NALCN: variants seen among roughly 807,000 people sequenced by gnomAD.
NALCN encodes sodium leak channel, non-selective.
In NALCN, 111 loss-of-function variants were observed where a neutral mutation model predicts 225.3. The observed-to-expected ratio is 0.49, with a 90% CI of 0.42 to 0.58. The LOEUF (loss-of-function observed/expected upper bound fraction) is 0.58. Among genes scored for constraint, NALCN ranks in the 20% least tolerant of loss-of-function variants. NALCN has a pLI of 0.00. For synonymous variants in NALCN, 764 were observed against 769.0 expected (o/e 0.99, Z 0.11); for missense variants, 1,378 against 2,202.4 (o/e 0.63, Z 7.49).
chr13:101,082,693 C>A, intron 33 of NALCN, 116 bp downstream of exon 33: 2 of 1,058,468 alleles, frequency 1.9e-6, no homozygotes, highest in South Asian at 2.7e-5. Context: ...ATCCTAAGGG[C>A]AAACTTCAAA....
intron 7 of NALCN, among the ~76,000 whole-genome samples, 197 bp downstream of exon 7, chr13:101,345,069 A>G (rs559642004): frequency 2.2e-4 from 34 of 152,326 alleles, no homozygotes; most frequent in African/African-American, 8.2e-4. Flanking sequence ...ACTGCTGCCC[A>G]TATACATACA....
At chr13:101,257,449 G>A (rs1201843110) in intron 11 of NALCN, among the ~76,000 whole-genome samples, 1 of 152,092 alleles carries the variant, frequency 6.6e-6, no homozygotes, top group Non-Finnish European at 1.5e-5. Context: ...AAAAGCTTGT[G>A]CGTGGGTAGA....
chr13:101,409,395 G>C (rs1045455555), intron 1 of NALCN, among the ~76,000 whole-genome samples: 3 of 152,024 alleles, frequency 2.0e-5, no homozygotes, highest in African/African-American at 7.3e-5. Flanking sequence ...CAGATCTCTC[G>C]AGCTCACTCA....
At chr13:101,189,081 C>T (rs2039573051) in intron 14 of NALCN, among the ~76,000 whole-genome samples, 1 of 152,142 alleles carries the variant, frequency 6.6e-6, no homozygotes, top group African/African-American at 2.4e-5. Context: ...CTTTTAAAAA[C>T]TCTGAAGTAG....
chr13:101,252,861 C>CTGTT (rs1352716184), intron 11 of NALCN, among the ~76,000 whole-genome samples: 1 of 151,604 alleles, frequency 6.6e-6, no homozygotes, highest in Non-Finnish European at 1.5e-5. Context: ...TCTCTCCCAT[C>CTGTT]TGTTTGTGAG....
intron 40 of NALCN, among the ~76,000 whole-genome samples, chr13:101,064,324 C>A (rs1315832111): frequency 6.6e-6 from 1 of 152,096 alleles, no homozygotes; most frequent in African/African-American, 2.4e-5. Flanking sequence ...AGTCCATGGG[C>A]CTCTGTTTTA....
At position 101,055,348 on chromosome 13, in the gene NALCN, G is replaced by A. The variant is rs1013463370; in HGVS notation, c.5164C>T (p.Arg1722Trp). 1.5e-5 allele frequency: 24 copies of A among 1,614,032 alleles called. No homozygotes were observed. The highest frequency in any genetic ancestry group is 6.7e-5 in the Admixed American group (4 of 60,000). Reference sequence around the variant, plus strand: ...TCGTCGCTCTCCACAGTCAGCTGCCGGGTCCACCACTTCTTAACTTCAGAA... The same window carrying A: ...TCGTCGCTCTCCACAGTCAGCTGCCAGGTCCACCACTTCTTAACTTCAGAA... ...CGSEVKKWWTRQLTVESDESG... is the reference protein window; with the variant it reads ...CGSEVKKWWTWQLTVESDESG... The change falls in exon 44 of 44, where the codon CGG (arginine) becomes TGG (tryptophan). Residue 1722 changes from arginine to tryptophan, a missense_variant. Arg to Trp is a moderately radical substitution (Grantham distance 101). Coordinates refer to ENST00000251127, the MANE Select transcript of NALCN (RefSeq NM_052867.4).
intron 7 of NALCN, among the ~76,000 whole-genome samples, chr13:101,336,203 C>A (rs1041314123): frequency 6.6e-6 from 1 of 152,048 alleles, no homozygotes; most frequent in Non-Finnish European, 1.5e-5. Context: ...GCACAGAACT[C>A]CACCAGTGAT....
intron 3 of NALCN, among the ~76,000 whole-genome samples, chr13:101,380,261 G>A (rs1483891606): frequency 6.6e-6 from 1 of 152,020 alleles, no homozygotes; most frequent in African/African-American, 2.4e-5. Context: ...GAAGAAACTT[G>A]TCTTAATTTG....
chr13:101,336,712 A>G (rs551380901), intron 7 of NALCN, among the ~76,000 whole-genome samples: 1 of 152,360 alleles, frequency 6.6e-6, no homozygotes, highest in South Asian at 2.1e-4. Context: ...ATTCTAATAA[A>G]GAAATTAATT....
chr13:101,311,383 A>G lies in NALCN; in HGVS notation c.800-19017T>C, dbSNP rs560661603. Among the ~76,000 whole-genome samples the G allele has an allele frequency of 5.5e-3, 838 of 151,446 alleles. 12 individuals carry two copies. The highest frequency in any genetic ancestry group is 0.019 in the African/African-American group (788 of 40,842). ...CTCCTGCCTAATTGCCCTGGCCAGG[A>G]CTTCCAACATTATGTTGAATAGGAG... is the stretch of plus-strand genomic sequence containing the variant. On this transcript the variant is annotated intron_variant, in intron 7 of 43. Coordinates refer to ENST00000251127, the MANE Select transcript of NALCN (RefSeq NM_052867.4).
At chr13:101,390,577 G>T (rs1337716814) in intron 3 of NALCN, among the ~76,000 whole-genome samples, 6 of 151,862 alleles carry the variant, frequency 4.0e-5, no homozygotes, top group African/African-American at 9.7e-5. Flanking sequence ...TCAACAAAAA[G>T]ATAACATACA....
At chr13:101,257,448 T>G (rs1447851673) in intron 11 of NALCN, among the ~76,000 whole-genome samples, 1 of 152,170 alleles carries the variant, frequency 6.6e-6, no homozygotes, top group Admixed American at 6.5e-5. Context: ...GAAAAGCTTG[T>G]GCGTGGGTAG....
At chr13:101,095,359 A>G (rs531149898) in intron 28 of NALCN, among the ~76,000 whole-genome samples, 53 of 152,326 alleles carry the variant, frequency 3.5e-4, no homozygotes, top group African/African-American at 1.2e-3. Context: ...CTCTAGTTTC[A>G]TGAAGCTATA....
At chr13:101,334,762 T>C (rs1052341702) in intron 7 of NALCN, among the ~76,000 whole-genome samples, 2 of 152,094 alleles carry the variant, frequency 1.3e-5, no homozygotes, top group African/African-American at 4.8e-5. Context: ...ATGCCTGTAT[T>C]CAACACAGCA....
rs1258123113 is a variant in NALCN, at chr13:101,409,351, A to G, written c.-40+6962T>C. Among the ~76,000 whole-genome samples the G allele has an allele frequency of 3.3e-5, 5 of 152,190 alleles. No homozygotes were observed. In the East Asian group the frequency reaches 5.8e-4, roughly 18 times the overall value. The stretch of plus-strand genomic sequence containing the variant: ...GTCTTAACAGATTTTTACATTCACT[A>G]TAAAATGTTAACTACAGGCACAATG... On this transcript the variant is annotated intron_variant, in intron 1 of 43. Transcript: ENST00000251127.
chr13:101,150,555 G>T lies in NALCN; in HGVS notation c.1840-5659C>A, dbSNP rs139040173. On this transcript the variant is annotated intron_variant, in intron 15 of 43. Transcript: ENST00000251127. ...GATGGGAGTAGACAGGGTGTGTGTT[G>T]GTGGTGGGGGATGAGGTGACCATGA... is the stretch of plus-strand genomic sequence containing the variant. Among the ~76,000 whole-genome samples, 1,520 of 152,168 alleles carry T rather than the reference G, an allele frequency of 1.0e-2. 15 individuals are homozygous for T. The highest frequency in any genetic ancestry group is 0.046 in the South Asian group (223 of 4,824).
Position 101,067,904 on chromosome 13 carries a change from A to G in NALCN, c.4446+14T>C. On this transcript the variant is annotated intron_variant, in intron 39 of 43. Coordinates refer to ENST00000251127, the MANE Select transcript of NALCN (RefSeq NM_052867.4). ...CTTTGAGGTGAGGCATGAAACAACA[A>G]CCCACTCCCATACCTCTCTTTTATC... The G allele has an allele frequency of 1.3e-6, 2 of 1,558,428 alleles. No individual in the cohort carries two copies. The highest frequency in any genetic ancestry group is 1.8e-6 in the Non-Finnish European group (2 of 1,131,444).
chr13:101,094,673 T>C (rs1373045187), intron 28 of NALCN, among the ~76,000 whole-genome samples: 1 of 152,104 alleles, frequency 6.6e-6, no homozygotes, highest in Non-Finnish European at 1.5e-5. Context: ...AGTTCTTGGA[T>C]ATTTTAAAAA....
Sources: gnomAD v4.1 joint callset for allele counts (sites outside exome capture counted in the v4.1 genomes callset) on GRCh38, gnomAD v4.1.1 for gene constraint, MANE v1.5 for transcripts, NCBI Gene and HGNC (gene_info 2026-07-23, HGNC 2026-07-21) for gene names.